Variants in BAHCC1 observed in about 807,000 individuals in gnomAD.
BAHCC1 encodes BAH and coiled-coil domain-containing protein 1.
A neutral mutation model predicts 88.2 loss-of-function variants in BAHCC1; 43 were observed. The ratio of observed to expected loss-of-function variants is 0.49; its 90% CI spans 0.38 to 0.63. The LOEUF is 0.63. Ranked by LOEUF, BAHCC1 falls within the 20% of genes least tolerant of loss-of-function variation. The pLI, the probability that BAHCC1 is intolerant of heterozygous loss-of-function variation, is 0.00. For missense variants in BAHCC1, 3,023 were observed against 1,654.8 expected (o/e 1.83, Z -14.34); for synonymous variants, 1,510 against 745.5 (o/e 2.03, Z -16.71).
In BAHCC1 at chr17:81,399,217, C is replaced by A; in HGVS notation, c.-206-317C>A. 2.4e-6 allele frequency: 1 copy of A among 424,402 alleles called. No individual in the cohort carries two copies. Among genetic ancestry groups the A allele is most frequent in the Admixed American group, 2.5e-5 (1 of 39,356 alleles). 26.3% of individuals were successfully genotyped at this position (424,402 alleles called of 1,614,324 possible). A position where few individuals can be genotyped will look rare whatever the true frequency, so the allele number is the denominator to read the frequency against. On this transcript the variant is annotated intron_variant, in intron 1 of 27. Transcript: ENST00000675386. The surrounding 1 kb of genome is among the most constrained non-coding windows in gnomAD (Gnocchi z 4.5). ...CACCCAGCAGAGCCAGCAGCCTCTTCGCCGCGGCGCCCTAGCTGCAGGGAC... is the reference window on the plus strand; with the variant it reads ...CACCCAGCAGAGCCAGCAGCCTCTTAGCCGCGGCGCCCTAGCTGCAGGGAC...
intron 3 of BAHCC1, among the ~76,000 whole-genome samples, chr17:81,437,610 G>A (rs536585815): frequency 3.0e-4 from 46 of 152,372 alleles, no homozygotes; most frequent in Middle Eastern, 3.4e-3. Context: ...GGCCAGCCGC[G>A]TGGGTGGCTG....
rs781916395 is a variant in BAHCC1, at chr17:81,441,997, C to T, written c.648C>T (p.Asp216=). 4 of 744,296 alleles carry T rather than the reference C, an allele frequency of 5.4e-6. No homozygotes were observed. The South Asian group carries it at 5.6e-5, about 10-fold the overall frequency. The allele number at this position is 744,296 out of a possible 1,614,324, so 46.1% of individuals were successfully genotyped here. A position where few individuals can be genotyped will look rare whatever the true frequency, so the allele number is the denominator to read the frequency against. Residue 216 remains aspartate, a synonymous_variant, in exon 5 of 28, where the codon GAC becomes GAT. Transcript: ENST00000675386. ...GSLQKGPKDF[D]RFLVGKELGR... ...TGCAGAAGGGCCCCAAGGACTTCGA[C>T]CGCTTCCTCGTGGGCAAAGAGCTGG...
intron 10 of BAHCC1, chr17:81,446,781 G>C: frequency 1.5e-6 from 1 of 660,508 alleles, no homozygotes; most frequent in South Asian, 1.5e-5. Flanking sequence ...TCGAATTCCT[G>C]GCCTCAAATG....
At chr17:81,456,945 ACC>A (rs55929206) in intron 16 of BAHCC1, among the ~76,000 whole-genome samples, 1 of 151,504 alleles carries the variant, frequency 6.6e-6, no homozygotes, top group African/African-American at 2.4e-5. Flanking sequence ...TTATCTGACC[ACC>A]CCCCCCAGCA....
intron 27 of BAHCC1, 50 bp downstream of exon 27, chr17:81,463,026 G>C (rs782207211): frequency 8.0e-6 from 6 of 753,852 alleles, no homozygotes; most frequent in Non-Finnish European, 1.5e-5. Context: ...GCCCCAGGGA[G>C]GGGACACGAC....
At position 81,429,181 on chromosome 17, in the gene BAHCC1, G is replaced by A. The variant is rs943355087; in HGVS notation, c.358+2202G>A. 4.2e-3 allele frequency among the ~76,000 whole-genome samples: 647 copies of A among 152,296 alleles called. 1 individual carries two copies. Among genetic ancestry groups the A allele is most frequent in the African/African-American group, 0.015 (621 of 41,568 alleles). Reference sequence around the variant, plus strand: ...TGGGTGGACCAGCACGGGTGGAGGCGGGACAAGGGGGTGCAGGGCGTGGCC... The same window carrying A: ...TGGGTGGACCAGCACGGGTGGAGGCAGGACAAGGGGGTGCAGGGCGTGGCC... On this transcript the variant is annotated intron_variant, in intron 3 of 27. Coordinates refer to ENST00000675386, the MANE Select transcript of BAHCC1 (RefSeq NM_001377448.1).
rs1341327954 is a variant in BAHCC1, at chr17:81,426,884, C to T, written c.263C>T (p.Thr88Met). The stretch of plus-strand genomic sequence containing the variant: ...AGCAGCCTGGGCTCGGCAGCCTCCA[C>T]GCACCCCAGCGGCCCCAGCTCCTCC... ...LTSSLGSAAS[T>M]HPSGPSSSPP... Residue 88 changes from threonine to methionine, a missense_variant, in exon 3 of 28, where the codon ACG becomes ATG. Thr to Met is a moderately conservative substitution (Grantham distance 81). Coordinates refer to ENST00000675386, the MANE Select transcript of BAHCC1 (RefSeq NM_001377448.1). 8 of 399,068 alleles carry T rather than the reference C, an allele frequency of 2.0e-5. No homozygotes were observed. The highest frequency in any genetic ancestry group is 2.6e-5 in the Non-Finnish European group (6 of 226,568). 24.7% of individuals were successfully genotyped at this position (399,068 alleles called of 1,614,324 possible). A position where few individuals can be genotyped will look rare whatever the true frequency, so the allele number is the denominator to read the frequency against.
rs116265312 is a variant in BAHCC1 at position 81,460,823 on chromosome 17, G to A, written c.6203-43G>A. ...GGGAGGGGCAGGTGGAGGCAGCTTT[G>A]TGGGCCCAGCTGGGGCTGACTCTGC... On this transcript the variant is annotated intron_variant, in intron 25 of 27. Transcript: ENST00000675386. The A allele has an allele frequency of 1.6e-3, 1,252 of 767,782 alleles. 3 individuals are homozygous for A. In the African/African-American group the frequency reaches 0.019, roughly 12 times the overall value. The allele number at this position is 767,782 out of a possible 1,614,324, so 47.6% of individuals were successfully genotyped here. A position where few individuals can be genotyped will look rare whatever the true frequency, so the allele number is the denominator to read the frequency against.
intron 2 of BAHCC1, among the ~76,000 whole-genome samples, chr17:81,405,914 T>G (rs1555646797): frequency 1.3e-5 from 2 of 152,210 alleles, no homozygotes; most frequent in African/African-American, 4.8e-5. Flanking sequence ...ATATGCCCTC[T>G]TTTGGAGTGG....
intron 10 of BAHCC1, among the ~76,000 whole-genome samples, chr17:81,446,401 C>A (rs2064527630): frequency 6.6e-6 from 1 of 151,642 alleles, no homozygotes; most frequent in South Asian, 2.1e-4. Context: ...TTTCTGGTTA[C>A]CCACAGCATA....
intron 3 of BAHCC1, among the ~76,000 whole-genome samples, chr17:81,433,782 G>A (rs557600568): frequency 9.2e-4 from 140 of 152,314 alleles, no homozygotes; most frequent in South Asian, 8.1e-3. Context: ...GCCATCATCC[G>A]TCAACTACAG....
chr17:81,423,548 C>T (rs2064140069), intron 2 of BAHCC1, among the ~76,000 whole-genome samples: 1 of 152,148 alleles, frequency 6.6e-6, no homozygotes, highest in African/African-American at 2.4e-5. Flanking sequence ...CCCCTCTTTC[C>T]CGAGGGGGCA....
At chr17:81,447,009 C>T (rs1444304059) in intron 10 of BAHCC1, 27 bp from the exon 11 acceptor site, 2 of 777,968 alleles carry the variant, frequency 2.6e-6, no homozygotes, top group Non-Finnish European at 4.8e-6. Flanking sequence ...CTCCCAGCTC[C>T]CTGCTGACCT....
chr17:81,459,485 C>A lies in BAHCC1; in HGVS notation c.5797-11C>A, dbSNP rs534448354. 1 of 778,930 alleles carries A rather than the reference C, an allele frequency of 1.3e-6. No individual in the cohort carries two copies. Among genetic ancestry groups the A allele is most frequent in the Non-Finnish European group, 2.4e-6 (1 of 417,664 alleles). 48.3% of individuals were successfully genotyped at this position (778,930 alleles called of 1,614,324 possible). A position where few individuals can be genotyped will look rare whatever the true frequency, so the allele number is the denominator to read the frequency against. ...CCACCTGCTCATGGGTCGTCGCCCG[C>A]GTTCCTGCAGGTTCTCGATGTGCGG... is the stretch of plus-strand genomic sequence containing the variant. On this transcript the variant is annotated splice_polypyrimidine_tract_variant and intron_variant, in intron 22 of 27. Coordinates refer to ENST00000675386, the MANE Select transcript of BAHCC1 (RefSeq NM_001377448.1).
Position 81,398,798 on chromosome 17 carries a change from G to A in BAHCC1, c.-206-736G>A, listed in dbSNP as rs578046871. 3.3e-5 allele frequency among the ~76,000 whole-genome samples: 5 copies of A among 152,194 alleles called. No individual in the cohort carries two copies. In the South Asian group the frequency reaches 1.0e-3, roughly 32 times the overall value. ...GGGCCTCCGGGGCTCTGAGGAGCCG[G>A]CCTGGGGTCCTAGCGCGATGCTGGG... is the stretch of plus-strand genomic sequence containing the variant. On this transcript the variant is annotated intron_variant, in intron 1 of 27. Transcript: ENST00000675386.
At chr17:81,409,879 G>A (rs2063927837) in intron 2 of BAHCC1, among the ~76,000 whole-genome samples, 1 of 152,106 alleles carries the variant, frequency 6.6e-6, no homozygotes, top group African/African-American at 2.4e-5. Flanking sequence ...CCTTCACATT[G>A]TGGGTTTTGC....
chr17:81,453,888 G>A (rs960776027), intron 14 of BAHCC1, among the ~76,000 whole-genome samples: 7 of 152,388 alleles, frequency 4.6e-5, no homozygotes, highest in South Asian at 2.1e-4. Context: ...GCAGGAAGTC[G>A]GGGAGCGGGG....
chr17:81,413,127 C>A, intron 2 of BAHCC1: 1 of 445,966 alleles, frequency 2.2e-6, no homozygotes, highest in Non-Finnish European at 4.5e-6. Context: ...CTCTGAGGCC[C>A]CCCACAGCAG....
rs1004297708 is a variant in BAHCC1, at chr17:81,410,304, C to T, written c.178+10387C>T. Among the ~76,000 whole-genome samples the T allele has an allele frequency of 5.9e-5, 9 of 152,242 alleles. No homozygotes were observed. The East Asian group carries it at 1.2e-3, about 20-fold the overall frequency. ...GGCCTCCCCCCTGGGCAGCAGGCAG[C>T]GAGACTCCTGAGGGCCCACCTCATG... On this transcript the variant is annotated intron_variant, in intron 2 of 27. Transcript: ENST00000675386.
Sources: gnomAD v4.1 joint callset for allele counts (sites outside exome capture counted in the v4.1 genomes callset) on GRCh38, gnomAD v4.1.1 for gene constraint, Gnocchi (gnomAD v3.1) non-coding constraint, MANE v1.5 for transcripts, NCBI Gene and HGNC (gene_info 2026-07-23, HGNC 2026-07-21) for gene names.